Variants in DAOA observed in about 807,000 individuals in gnomAD.
DAOA encodes the protein D-amino acid oxidase regulator.
A neutral mutation model predicts 16.4 loss-of-function variants in DAOA; 15 were observed. That is an observed-to-expected ratio of 0.91 (90% confidence interval 0.61 to 1.41). The LOEUF (loss-of-function observed/expected upper bound fraction) is 1.41, where lower values mean the gene tolerates loss of function less well. Ranked by LOEUF, DAOA falls within the 40% of genes most tolerant of loss-of-function variation. The pLI is 0.00. For missense variants in DAOA, 230 were observed against 176.8 expected (o/e 1.30, Z -1.71); for synonymous variants, 75 against 59.1 (o/e 1.27, Z -1.23).
chr13:105,480,656 A>G (rs1308706218), intron 4 of DAOA, among the ~76,000 whole-genome samples: 2 of 151,986 alleles, frequency 1.3e-5, no homozygotes, highest in Admixed American at 1.3e-4. Flanking sequence ...CCTGGCATGG[A>G]GTAGTGTGGC....
At chr13:105,484,256 T>C (rs919034630) in intron 4 of DAOA, among the ~76,000 whole-genome samples, 2 of 152,076 alleles carry the variant, frequency 1.3e-5, no homozygotes, top group Non-Finnish European at 2.9e-5. Flanking sequence ...CTAATAACTG[T>C]CTTAAAAATA....
At chr13:105,480,742 T>C (rs1301297540) in intron 4 of DAOA, among the ~76,000 whole-genome samples, 1 of 152,050 alleles carries the variant, frequency 6.6e-6, no homozygotes, top group Non-Finnish European at 1.5e-5. Context: ...GGGGTGCTAG[T>C]GTAATACCTA....
chr13:105,481,509 G>A (rs1440969487), intron 4 of DAOA, among the ~76,000 whole-genome samples: 2 of 152,034 alleles, frequency 1.3e-5, no homozygotes, highest in East Asian at 3.9e-4. Context: ...TGATCCTCCT[G>A]TCCAAACCCT....
intron 4 of DAOA, among the ~76,000 whole-genome samples, chr13:105,478,832 C>T (rs776944167): frequency 1.3e-5 from 2 of 152,142 alleles, no homozygotes; most frequent in Non-Finnish European, 2.9e-5. Context: ...TGCCAAACAC[C>T]AATACCCATG....
At chr13:105,480,518 GGATAGATACATA>G (rs1475052821) in intron 4 of DAOA, among the ~76,000 whole-genome samples, 4 of 141,108 alleles carry the variant, frequency 2.8e-5, no homozygotes, top group African/African-American at 1.1e-4. Flanking sequence ...ATGGATGGAT[GGATAGATACATA>G]GATAGATAGA....
At chr13:105,488,703 A>G (rs1377947116) in intron 4 of DAOA, among the ~76,000 whole-genome samples, 1 of 152,204 alleles carries the variant, frequency 6.6e-6, no homozygotes, top group Non-Finnish European at 1.5e-5. Flanking sequence ...GAAAAGTGAA[A>G]AACATATTTA....
chr13:105,483,401 A>T (rs965727032), intron 4 of DAOA, among the ~76,000 whole-genome samples: 1 of 152,204 alleles, frequency 6.6e-6, no homozygotes, highest in Non-Finnish European at 1.5e-5. Context: ...AGTTGGATAG[A>T]TCACCCTTTA....
At chr13:105,487,865 G>A (rs1228311680) in intron 4 of DAOA, among the ~76,000 whole-genome samples, 2 of 152,178 alleles carry the variant, frequency 1.3e-5, no homozygotes, top group Non-Finnish European at 2.9e-5. Flanking sequence ...AGCAAATGGA[G>A]TGACCAATGT....
intron 4 of DAOA, among the ~76,000 whole-genome samples, chr13:105,486,739 C>T (rs1041974390): frequency 6.6e-5 from 10 of 152,054 alleles, no homozygotes; most frequent in African/African-American, 1.2e-4. Flanking sequence ...CTGCCCCAGC[C>T]TCCCGAGTAG....
At chr13:105,468,368 G>A (rs1398858875) in intron 3 of DAOA, among the ~76,000 whole-genome samples, 2 of 152,118 alleles carry the variant, frequency 1.3e-5, no homozygotes, top group African/African-American at 4.8e-5. Context: ...TTTTCATAAG[G>A]TTTTCCTAAA....
Position 105,467,124 on chromosome 13 carries a change from A to G in DAOA, c.116A>G (p.Asn39Ser). The G allele has an allele frequency of 1.9e-6, 3 of 1,608,366 alleles. No homozygotes were observed. Among genetic ancestry groups the G allele is most frequent in the East Asian group, 2.2e-5 (1 of 44,622 alleles). ...QRSILLSKSE[N>S]SLNSIAKETE... Reference sequence around the variant, plus strand: ...AGCATTCTTCTGAGCAAATCTGAAAACTCTCTAAACTCTATTGGTATGTTA... The same window carrying G: ...AGCATTCTTCTGAGCAAATCTGAAAGCTCTCTAAACTCTATTGGTATGTTA... The change falls in exon 3 of 6, where the codon AAC (asparagine) becomes AGC (serine). Residue 39 changes from asparagine (N) to serine (S), a missense_variant. Asn to Ser is a conservative substitution (Grantham distance 46, BLOSUM62 1). Transcript: ENST00000375936.
At chr13:105,467,265 A>G (rs1876590302) in intron 3 of DAOA, 124 bp downstream of exon 3, 1 of 1,089,666 alleles carries the variant, frequency 9.2e-7, no homozygotes. Context: ...AATTTGTAAG[A>G]TACAGGAAGA....
intron 4 of DAOA, among the ~76,000 whole-genome samples, chr13:105,484,541 C>G (rs1877978109): frequency 6.6e-6 from 1 of 152,036 alleles, no homozygotes; most frequent in Non-Finnish European, 1.5e-5. Flanking sequence ...CAAATTTTGT[C>G]AGATTTATCT....
At chr13:105,470,317 TTC>T (rs1767668023) in intron 3 of DAOA, among the ~76,000 whole-genome samples, 1 of 152,104 alleles carries the variant, frequency 6.6e-6, no homozygotes. Context: ...AAACTGGAAT[TTC>T]TCTGTGTAGC....
At chr13:105,489,728 C>G in intron 4 of DAOA, 173 bp from the exon 5 acceptor site, 2 of 1,434,728 alleles carry the variant, frequency 1.4e-6, no homozygotes, top group Non-Finnish European at 1.9e-6. Flanking sequence ...CTAAGTGACC[C>G]ACATAATCTT....
intron 1 of DAOA, 70 bp from the exon 2 acceptor site, chr13:105,466,146 A>T (rs966895655): frequency 1.5e-6 from 2 of 1,318,694 alleles, no homozygotes; most frequent in East Asian, 5.0e-5. Flanking sequence ...TTGCTGCAAA[A>T]GAGCTACACC....
At chr13:105,469,007 TCTTTA>T (rs1157588592) in intron 3 of DAOA, among the ~76,000 whole-genome samples, 3 of 152,320 alleles carry the variant, frequency 2.0e-5, no homozygotes, top group East Asian at 3.9e-4. Context: ...ATCAAATCAA[TCTTTA>T]CTTTAAAAAT....
intron 4 of DAOA, among the ~76,000 whole-genome samples, chr13:105,473,924 C>T (rs565320774): frequency 6.6e-6 from 1 of 152,104 alleles, no homozygotes; most frequent in Non-Finnish European, 1.5e-5. Flanking sequence ...ACTTCCTTAT[C>T]AAACTTTCCT....
intron 4 of DAOA, among the ~76,000 whole-genome samples, chr13:105,483,613 T>C (rs948097582): frequency 1.3e-5 from 2 of 152,206 alleles, no homozygotes; most frequent in African/African-American, 4.8e-5. Context: ...CTAATGATAT[T>C]GAGCATCTTT....
Sources: gnomAD v4.1 joint callset for allele counts (sites outside exome capture counted in the v4.1 genomes callset) on GRCh38, gnomAD v4.1.1 for gene constraint, MANE v1.5 for transcripts, NCBI Gene and HGNC (gene_info 2026-07-23, HGNC 2026-07-21) for gene names.